The following ETV6 variants were observed in gnomAD, a reference collection of about 807,000 sequenced individuals.
The protein encoded by ETV6 is ETS variant transcription factor 6.
Under a neutral mutation model 51.1 loss-of-function variants are expected in ETV6, and 16 were observed. The observed-to-expected ratio is 0.31, with a 90% CI of 0.21 to 0.48. The LOEUF (loss-of-function observed/expected upper bound fraction) is 0.48. Among genes scored for constraint, ETV6 ranks in the 20% least tolerant of loss-of-function variants. The probability of loss-of-function intolerance (pLI) is 0.99; values close to 1 mark genes in which losing one functional copy is unlikely to be tolerated. For synonymous variants in ETV6, 240 were observed against 224.1 expected (o/e 1.07, Z -0.64); for missense variants, 458 against 594.8 (o/e 0.77, Z 2.39).
chr12:11,815,203 A>T (rs1008596304), intron 2 of ETV6, among the ~76,000 whole-genome samples: 12 of 152,116 alleles, frequency 7.9e-5, no homozygotes, highest in African/African-American at 2.9e-4. Flanking sequence ...GGGCATGATT[A>T]AAAAAAAGAA....
intron 2 of ETV6, among the ~76,000 whole-genome samples, chr12:11,811,593 C>T (rs1945915370): frequency 6.6e-6 from 1 of 152,058 alleles, no homozygotes; most frequent in Non-Finnish European, 1.5e-5. Context: ...TTCCTGGATG[C>T]TTGTTTTAGT....
At chr12:11,750,792 C>CTTTT (rs6144613) in intron 1 of ETV6, 4 of 370,008 alleles carry the variant, frequency 1.1e-5, no homozygotes, top group African/African-American at 3.4e-5. Context: ...TATGTGTGGG[C>CTTTT]TTTTTTTTTT....
At chr12:11,880,044 A>G (rs959287205) in intron 5 of ETV6, among the ~76,000 whole-genome samples, 1 of 149,250 alleles carries the variant, frequency 6.7e-6, no homozygotes, top group African/African-American at 2.5e-5. Context: ...AAAAAAAAAA[A>G]AAAAAAAGGA....
chr12:11,786,888 C>G (rs1335886442), intron 2 of ETV6, among the ~76,000 whole-genome samples: 1 of 152,126 alleles, frequency 6.6e-6, no homozygotes, highest in African/African-American at 2.4e-5. Flanking sequence ...TGACCCACTC[C>G]CTATTTAAAT....
chr12:11,788,536 G>A (rs16907281), intron 2 of ETV6, among the ~76,000 whole-genome samples: 11,610 of 152,146 alleles, frequency 0.076, 1,473 homozygotes, highest in African/African-American at 0.26. Context: ...TCTGATAACT[G>A]TATTTGGTTC....
intron 4 of ETV6, among the ~76,000 whole-genome samples, chr12:11,865,168 G>A (rs1226490271): frequency 5.3e-5 from 8 of 150,972 alleles, no homozygotes; most frequent in African/African-American, 1.2e-4. Context: ...GGAGAATGGC[G>A]TGAACCCGGG....
At chr12:11,889,853 G>A (rs1345629085) in intron 7 of ETV6, among the ~76,000 whole-genome samples, 3 of 152,196 alleles carry the variant, frequency 2.0e-5, no homozygotes, top group Non-Finnish European at 2.9e-5. Flanking sequence ...CTAAGATAGT[G>A]GCGCAGGGCA....
intron 2 of ETV6, among the ~76,000 whole-genome samples, chr12:11,791,719 T>C (rs1233360883): frequency 1.3e-5 from 2 of 151,896 alleles, no homozygotes; most frequent in Admixed American, 6.6e-5. Context: ...TGTGAATACA[T>C]AATAACTGAC....
chr12:11,883,591 G>A (rs548714340), intron 5 of ETV6, among the ~76,000 whole-genome samples: 8 of 152,070 alleles, frequency 5.3e-5, no homozygotes, highest in Middle Eastern at 3.4e-3. Context: ...CACCACGCCC[G>A]GCCATGTCTT....
chr12:11,677,912 C>T (rs1172344230), intron 1 of ETV6, among the ~76,000 whole-genome samples: 1 of 152,228 alleles, frequency 6.6e-6, no homozygotes, highest in African/African-American at 2.4e-5. Context: ...TCCCAGCGTC[C>T]TCTGGCACAG....
intron 1 of ETV6, among the ~76,000 whole-genome samples, chr12:11,741,467 A>G (rs1865808870): frequency 6.6e-6 from 1 of 152,200 alleles, no homozygotes; most frequent in Non-Finnish European, 1.5e-5. Context: ...GTTTTTTATT[A>G]ACCTTGTCTT....
intron 1 of ETV6, among the ~76,000 whole-genome samples, chr12:11,734,516 C>CAAA (rs1043955081): frequency 7.9e-4 from 54 of 68,528 alleles, no homozygotes; most frequent in Admixed American, 1.5e-3. Context: ...CTGAGATGAG[C>CAAA]AAAAAAAAAA....
rs1275104143 is a variant in ETV6 at position 11,895,148 on chromosome 12, T to C, written c.*4102T>C. ...TGCCAAGTGAACATTCTTGATGATT[T>C]CTCTTTGTGACCGCAACCACCTGCA... On this transcript the variant is annotated 3_prime_UTR_variant, in exon 8 of 8. Transcript: ENST00000396373. 4.3e-6 allele frequency: 1 copy of C among 231,040 alleles called. No homozygotes were observed. Among genetic ancestry groups the C allele is most frequent in the African/African-American group, 2.2e-5 (1 of 45,128 alleles). 14.3% of individuals were successfully genotyped at this position (231,040 alleles called of 1,614,324 possible).
chr12:11,665,572 A>G (rs183902735), intron 1 of ETV6, among the ~76,000 whole-genome samples: 27 of 152,344 alleles, frequency 1.8e-4, no homozygotes, highest in Non-Finnish European at 3.4e-4. Context: ...AGGACAGCCA[A>G]TGGCTATTAA....
At chr12:11,818,553 A>G (rs1173599802) in intron 2 of ETV6, among the ~76,000 whole-genome samples, 7 of 151,570 alleles carry the variant, frequency 4.6e-5, no homozygotes, top group African/African-American at 1.5e-4. Flanking sequence ...AAAAAAAGCA[A>G]TGGGAATGGT....
intron 7 of ETV6, among the ~76,000 whole-genome samples, chr12:11,886,247 A>C (rs945736324): frequency 6.6e-6 from 1 of 152,240 alleles, no homozygotes; most frequent in Admixed American, 6.5e-5. Context: ...AAATGAACAG[A>C]ATCTGACTCA....
chr12:11,747,572 A>G (rs1032775665), intron 1 of ETV6, among the ~76,000 whole-genome samples: 5 of 152,188 alleles, frequency 3.3e-5, no homozygotes, highest in Non-Finnish European at 7.4e-5. Flanking sequence ...GGCTGTGTGT[A>G]CAATGTCTAT....
chr12:11,752,518 T>C lies in ETV6; in HGVS notation c.102T>C (p.His34=), dbSNP rs767627393. Reference sequence around the variant, plus strand: ...GTTACGCTTCCTCGACGCCACTTCATGTTCCAGTGCCTCGAGCGCTCAGGA... The same window carrying C: ...GTTACGCTTCCTCGACGCCACTTCACGTTCCAGTGCCTCGAGCGCTCAGGA... The part of the protein sequence containing the change: ...VPSYASSTPL[H]VPVPRALRME... The change falls in exon 2 of 8, where the codon CAT becomes CAC. Residue 34 remains histidine, a synonymous_variant. Coordinates refer to ENST00000396373, the MANE Select transcript of ETV6 (RefSeq NM_001987.5). 7 of 1,614,048 alleles carry C rather than the reference T, an allele frequency of 4.3e-6. No homozygotes were observed. Among genetic ancestry groups the C allele is most frequent in the Admixed American group, 3.3e-5 (2 of 60,022 alleles).
intron 7 of ETV6, among the ~76,000 whole-genome samples, chr12:11,887,421 A>T (rs1302091863): frequency 6.6e-6 from 1 of 152,158 alleles, no homozygotes; most frequent in African/African-American, 2.4e-5. Flanking sequence ...TTCAGACATG[A>T]CATCTTCAAA....
Sources: gnomAD v4.1 joint callset for allele counts (sites outside exome capture counted in the v4.1 genomes callset) on GRCh38, gnomAD v4.1.1 for gene constraint, MANE v1.5 for transcripts, NCBI Gene and HGNC (gene_info 2026-07-23, HGNC 2026-07-21) for gene names.